Variants in SCAPER observed in about 807,000 individuals in gnomAD.
The protein encoded by SCAPER is S phase cyclin A-associated protein in the endoplasmic reticulum.
A neutral mutation model predicts 182.2 loss-of-function variants in SCAPER; 98 were observed. The observed-to-expected ratio is 0.54, with a 90% confidence interval of 0.46 to 0.64. The LOEUF (loss-of-function observed/expected upper bound fraction) is 0.64, where lower values mean the gene tolerates loss of function less well. Ranked by LOEUF, SCAPER falls within the 30% of genes least tolerant of loss-of-function variation. SCAPER has a pLI of 0.00. For synonymous variants in SCAPER, 605 were observed against 564.6 expected (o/e 1.07, Z -1.01); for missense variants, 1,432 against 1,690.0 (o/e 0.85, Z 2.68).
intron 1 of SCAPER, among the ~76,000 whole-genome samples, chr15:76,885,937 C>T (rs1028059867): frequency 1.3e-5 from 2 of 152,214 alleles, no homozygotes; most frequent in East Asian, 1.9e-4. Flanking sequence ...CATATCTTTA[C>T]TACTGTGAAT....
chr15:76,844,194 A>G (rs1427678709), intron 4 of SCAPER, among the ~76,000 whole-genome samples: 2 of 151,960 alleles, frequency 1.3e-5, no homozygotes, highest in Non-Finnish European at 2.9e-5. Flanking sequence ...AACTTGCAAA[A>G]GAAGTTTCAC....
At chr15:76,551,155 C>T (rs1268780720) in intron 23 of SCAPER, among the ~76,000 whole-genome samples, 1 of 152,046 alleles carries the variant, frequency 6.6e-6, no homozygotes, top group African/African-American at 2.4e-5. Flanking sequence ...TATGGAGGTT[C>T]TTCAAAAAAC....
chr15:76,850,859 C>CAAAAAAAAA (rs59202490), intron 4 of SCAPER, among the ~76,000 whole-genome samples: 2 of 90,056 alleles, frequency 2.2e-5, no homozygotes, highest in South Asian at 3.7e-4. Context: ...GACTCTGTCT[C>CAAAAAAAAA]AAAAAAAAAA....
At chr15:76,745,000 G>C (rs1210190162) in intron 15 of SCAPER, among the ~76,000 whole-genome samples, 4 of 152,162 alleles carry the variant, frequency 2.6e-5, no homozygotes, top group African/African-American at 2.4e-5. Context: ...CAGCAACATA[G>C]ATGGAACTGA....
Position 76,857,118 on chromosome 15 carries a change from T to C in SCAPER, c.195+691A>G, listed in dbSNP as rs544621631. On this transcript the variant is annotated intron_variant, in intron 4 of 31. Coordinates refer to ENST00000563290, the MANE Select transcript of SCAPER (RefSeq NM_020843.4). ...AACATTGAAGGCATAGCAGAGGAGC[T>C]AAGAGCATAAACTGTGGAAATTAAC... Among the ~76,000 whole-genome samples, 6 of 152,182 alleles carry C rather than the reference T, an allele frequency of 3.9e-5. 1 individual carries two copies. Among genetic ancestry groups the C allele is most frequent in the African/African-American group, 1.4e-4 (6 of 41,524 alleles).
rs541142948 is a variant in SCAPER, at chr15:76,524,386, G to A, written c.2839-19412C>T. On this transcript the variant is annotated intron_variant, in intron 23 of 31. Transcript: ENST00000563290. ...ATTTGGTAGGTGTCTGAAGAAAAGT[G>A]CAGACAAAGTGTTTCAGAGTTCAAA... Among the ~76,000 whole-genome samples, 21 of 152,198 alleles carry A rather than the reference G, an allele frequency of 1.4e-4. No homozygotes were observed. In the South Asian group the frequency reaches 4.1e-3, roughly 30 times the overall value.
intron 21 of SCAPER, among the ~76,000 whole-genome samples, chr15:76,662,593 C>A (rs1344334960): frequency 1.3e-5 from 2 of 151,994 alleles, no homozygotes; most frequent in South Asian, 4.1e-4. Context: ...ACTAATAGGG[C>A]AGATTTACAT....
In SCAPER at chr15:76,765,584, C is replaced by T. The variant is rs367863005; in HGVS notation, c.1474G>A (p.Asp492Asn). The change falls in exon 12 of 32, where the codon GAT (aspartate) becomes AAT (asparagine). Residue 492 changes from aspartate to asparagine, a missense_variant. Physicochemically the swap from Asp to Asn is conservative, Grantham distance 23. Around this residue, in one of 5 missense-constraint regions of SCAPER, gnomAD observed 128 missense variants for 149.9 expected, o/e 0.85. Transcript: ENST00000563290. ...ATACCTTCATAATCTGCAAGGACATCGTTCCAGTCCATGGACATACCACAG... is the reference window on the plus strand; with the variant it reads ...ATACCTTCATAATCTGCAAGGACATTGTTCCAGTCCATGGACATACCACAG... ...SFCGMSMDWNDVLADYEARES... is the reference protein window; with the variant it reads ...SFCGMSMDWNNVLADYEARES... 3 of 1,592,440 alleles carry T rather than the reference C, an allele frequency of 1.9e-6. No individual in the cohort carries two copies. The highest frequency in any genetic ancestry group is 2.6e-6 in the Non-Finnish European group (3 of 1,168,510).
At chr15:76,866,937 T>C (rs2072342664) in intron 2 of SCAPER, among the ~76,000 whole-genome samples, 1 of 152,136 alleles carries the variant, frequency 6.6e-6, no homozygotes, top group Non-Finnish European at 1.5e-5. Context: ...ATGGAGATTT[T>C]ACAGAGGCCT....
chr15:76,711,697 G>C (rs1460890306), intron 17 of SCAPER, among the ~76,000 whole-genome samples: 1 of 152,158 alleles, frequency 6.6e-6, no homozygotes, highest in Non-Finnish European at 1.5e-5. Context: ...GTGATGATGA[G>C]CACTTTTTCA....
intron 15 of SCAPER, among the ~76,000 whole-genome samples, chr15:76,742,311 CT>C (rs1230607078): frequency 1.3e-5 from 2 of 150,848 alleles, no homozygotes; most frequent in Admixed American, 1.3e-4. Flanking sequence ...AATAGGTAAT[CT>C]ATAAAACAGG....
At chr15:76,365,523 A>T (rs903743269) in intron 29 of SCAPER, among the ~76,000 whole-genome samples, 3 of 152,248 alleles carry the variant, frequency 2.0e-5, no homozygotes, top group Non-Finnish European at 4.4e-5. Flanking sequence ...CTCTACAGCT[A>T]ATCAGGGACA....
At chr15:76,681,368 G>A (rs756560633) in intron 20 of SCAPER, among the ~76,000 whole-genome samples, 9 of 152,228 alleles carry the variant, frequency 5.9e-5, no homozygotes, top group Non-Finnish European at 1.2e-4. Flanking sequence ...AATACTATAA[G>A]ACTAGTTTAA....
intron 29 of SCAPER, among the ~76,000 whole-genome samples, chr15:76,370,720 G>A (rs1474165954): frequency 6.6e-6 from 1 of 152,178 alleles, no homozygotes; most frequent in Non-Finnish European, 1.5e-5. Context: ...CTCAAGAGGG[G>A]AAAGAATTTA....
At chr15:76,881,879 T>G (rs2073562281) in intron 2 of SCAPER, among the ~76,000 whole-genome samples, 1 of 152,218 alleles carries the variant, frequency 6.6e-6, no homozygotes, top group Non-Finnish European at 1.5e-5. Context: ...AAATGTCATG[T>G]TATTTGTATT....
chr15:76,730,397 T>C (rs942151989), intron 16 of SCAPER, among the ~76,000 whole-genome samples: 2 of 152,048 alleles, frequency 1.3e-5, no homozygotes, highest in African/African-American at 4.8e-5. Flanking sequence ...GTTGGAGTCA[T>C]GCAATTAGAT....
rs1475633774 is a variant in SCAPER at position 76,351,266 on chromosome 15, T to A, written c.4070A>T (p.Gln1357Leu). 21 of 1,610,366 alleles carry A rather than the reference T, an allele frequency of 1.3e-5. No homozygotes were observed. The highest frequency in any genetic ancestry group is 2.7e-5 in the African/African-American group (2 of 74,870). The change falls in exon 31 of 32, where the codon CAA (glutamine) becomes CTA (leucine). Residue 1357 changes from glutamine (Q) to leucine (L), a missense_variant. This residue lies in a region of SCAPER where 718 missense variants were observed against 799.7 expected (regional missense o/e 0.90). Transcript: ENST00000563290. Reference sequence around the variant, plus strand: ...GGGTTGGTAAGGCTGGTTTTCCGCTTGACCTGGAGTCTGTGCCAAATCCTG... The same window carrying A: ...GGGTTGGTAAGGCTGGTTTTCCGCTAGACCTGGAGTCTGTGCCAAATCCTG... The part of the protein sequence containing the change: ...FIQDLAQTPG[Q>L]AENQPYQPKG...
Position 76,733,276 on chromosome 15 carries a change from G to A in SCAPER, c.1975C>T (p.Arg659Cys), listed in dbSNP as rs1382531977. 4 of 1,604,264 alleles carry A rather than the reference G, an allele frequency of 2.5e-6. No individual in the cohort carries two copies. The highest frequency in any genetic ancestry group is 1.7e-5 in the Admixed American group (1 of 58,458). The change falls in exon 16 of 32, where the codon CGT (arginine) becomes TGT (cysteine). Residue 659 changes from arginine to cysteine, a missense_variant. By Grantham distance (180) the Arg-to-Cys change is radical (BLOSUM62 -3). Coordinates refer to ENST00000563290, the MANE Select transcript of SCAPER (RefSeq NM_020843.4). ...EQRLNELQEE[R>C]QRRQEEKQAR... ...TGCTTTTCTTCCTGTCTTCTCTGAC[G>A]CTCTTCCTGTAGCTCATTAAGCCTC...
intron 15 of SCAPER, among the ~76,000 whole-genome samples, chr15:76,752,523 T>C (rs2062153410): frequency 6.6e-6 from 1 of 151,754 alleles, no homozygotes; most frequent in African/African-American, 2.4e-5. Context: ...ATGTGGTACA[T>C]ACATACAATG....
Sources: allele counts gnomAD v4.1 joint callset (sites outside exome capture counted in the v4.1 genomes callset), GRCh38; gene constraint gnomAD v4.1.1; regional missense constraint gnomAD v4.1.1; transcripts MANE v1.5; gene names NCBI Gene and HGNC (gene_info 2026-07-23, HGNC 2026-07-21).